MTAP: variants seen among roughly 807,000 people sequenced by gnomAD.
MTAP encodes methylthioadenosine phosphorylase, also known as S-methyl-5'-thioadenosine phosphorylase.
In MTAP, 33 loss-of-function variants were observed where a neutral mutation model predicts 33.6. That is an observed-to-expected ratio of 0.98 (90% CI 0.74 to 1.31). The LOEUF (loss-of-function observed/expected upper bound fraction) is 1.31, where lower values mean the gene tolerates loss of function less well. Ranked by LOEUF, MTAP falls within the 40% of genes most tolerant of loss-of-function variation. The pLI is 0.00. For missense variants in MTAP, 367 were observed against 360.0 expected (o/e 1.02, Z -0.16); for synonymous variants, 148 against 125.7 (o/e 1.18, Z -1.19).
downstream of MTAP, among the ~76,000 whole-genome samples, chr9:21,938,821 G>A (rs115149716): frequency 4.3e-3 from 655 of 152,318 alleles, 1 homozygote; most frequent in Middle Eastern, 0.027. Flanking sequence ...ATATTGAAAT[G>A]TGTGGGTTTC....
downstream of MTAP, among the ~76,000 whole-genome samples, chr9:21,938,929 A>G (rs986100873): frequency 2.6e-5 from 4 of 152,206 alleles, no homozygotes; most frequent in Non-Finnish European, 4.4e-5. Flanking sequence ...GATCAAGTAG[A>G]AGAAAAATTA....
intron 1 of MTAP, chr9:21,803,190 T>G: frequency 2.7e-6 from 1 of 367,544 alleles, no homozygotes. Flanking sequence ...TCAGGAGGTG[T>G]CCGGGCGCCT....
chr9:21,940,436 A>T (rs1819118423), downstream of MTAP, among the ~76,000 whole-genome samples: 1 of 152,212 alleles, frequency 6.6e-6, no homozygotes, highest in Non-Finnish European at 1.5e-5. Flanking sequence ...ATATTAGTAG[A>T]AAACTATAGC....
Position 21,912,250 on chromosome 9 carries a change from G to GA in MTAP, c.148-18753dup, listed in dbSNP as rs1336009338. On this transcript the variant is annotated intron_variant, in intron 1 of 1. Coordinates refer to the MTAP transcript ENST00000577563. ...CCTTCTGAAACTATTCCAATCAACA[G>GA]AAAAAGAGGGAATCCTCCCTAACTC... Among the ~76,000 whole-genome samples the GA allele has an allele frequency of 7.9e-5, 12 of 152,086 alleles. No individual in the cohort carries two copies. In the East Asian group the frequency reaches 2.3e-3, roughly 29 times the overall value.
At chr9:21,920,469 C>T (rs566807140) in intron 1 of MTAP, among the ~76,000 whole-genome samples, 41 of 152,212 alleles carry the variant, frequency 2.7e-4, no homozygotes, top group African/African-American at 9.6e-4. Context: ...TGACCTGAAA[C>T]TTACTTAGTT....
intron 1 of MTAP, among the ~76,000 whole-genome samples, chr9:21,924,678 ACCCTACC>A (rs1818838615): frequency 6.6e-6 from 1 of 152,056 alleles, no homozygotes; most frequent in South Asian, 2.1e-4. Context: ...CTTAGCTCAA[ACCCTACC>A]CTTTGGCCCC....
At chr9:21,923,587 G>A (rs1399200087) in intron 1 of MTAP, among the ~76,000 whole-genome samples, 1 of 152,102 alleles carries the variant, frequency 6.6e-6, no homozygotes, top group Non-Finnish European at 1.5e-5. Context: ...TATAGCAGAG[G>A]GGTTGTCCTG....
At position 21,823,151 on chromosome 9, in the gene MTAP, G is replaced by A. The variant is rs1158929108; in HGVS notation, c.347+4949G>A. ...ACATTTAAGGTTAATATTGTTATGT[G>A]TGAATTTGATCCTGTCACTATGATG... On this transcript the variant is annotated intron_variant, in intron 4 of 7. Transcript: ENST00000644715. 2.0e-5 allele frequency among the ~76,000 whole-genome samples: 3 copies of A among 152,178 alleles called. No homozygotes were observed. The East Asian group carries it at 5.8e-4, about 29-fold the overall frequency.
At chr9:21,927,693 G>A (rs1053409891) in intron 1 of MTAP, among the ~76,000 whole-genome samples, 3 of 152,162 alleles carry the variant, frequency 2.0e-5, no homozygotes, top group Non-Finnish European at 4.4e-5. Flanking sequence ...AGTTACAGAG[G>A]TGGTAGCTCT....
At chr9:21,901,710 G>C (rs1034900299) in intron 1 of MTAP, among the ~76,000 whole-genome samples, 6 of 152,150 alleles carry the variant, frequency 3.9e-5, no homozygotes, top group Non-Finnish European at 7.4e-5. Flanking sequence ...TCAGGGGTTT[G>C]CCACAAGGAG....
At chr9:21,825,644 C>G (rs1412416045) in intron 4 of MTAP, among the ~76,000 whole-genome samples, 1 of 152,130 alleles carries the variant, frequency 6.6e-6, no homozygotes, top group Non-Finnish European at 1.5e-5. Context: ...TTGAGACCAG[C>G]TTGGGCAACA....
At chr9:21,838,349 A>G (rs997563260) in intron 5 of MTAP, among the ~76,000 whole-genome samples, 3 of 152,218 alleles carry the variant, frequency 2.0e-5, no homozygotes, top group Non-Finnish European at 4.4e-5. Flanking sequence ...CTGCTCTTCA[A>G]CAAAGTAGCT....
At chr9:21,822,319 G>C (rs1000357103) in intron 4 of MTAP, among the ~76,000 whole-genome samples, 1 of 152,082 alleles carries the variant, frequency 6.6e-6, no homozygotes, top group Non-Finnish European at 1.5e-5. Context: ...CAGAGATTCT[G>C]GTATGTTGTG....
chr9:21,860,833 C>T (rs1238494051), intron 7 of MTAP: 1 of 152,346 alleles, frequency 6.6e-6, no homozygotes, highest in Non-Finnish European at 1.5e-5. Context: ...ACCTCTGCCT[C>T]CCTGGTTCAA....
chr9:21,904,139 T>G (rs1243599347), intron 1 of MTAP, among the ~76,000 whole-genome samples: 2 of 152,210 alleles, frequency 1.3e-5, no homozygotes, highest in African/African-American at 4.8e-5. Flanking sequence ...CAAGGCGTTC[T>G]GCTGGTCAGT....
intron 1 of MTAP, chr9:21,802,985 A>AACAGACACACACACACACAC (rs1824095489): frequency 2.6e-6 from 1 of 378,324 alleles, no homozygotes; most frequent in Non-Finnish European, 4.0e-6. Context: ...CCGCACCGCC[A>AACAGACACACACACACACAC]ACACACACAC....
At chr9:21,836,914 C>T (rs1825123402) in intron 4 of MTAP, among the ~76,000 whole-genome samples, 1 of 152,188 alleles carries the variant, frequency 6.6e-6, no homozygotes, top group South Asian at 2.1e-4. Context: ...AACTATTTCT[C>T]AGTGCTGCCT....
chr9:21,918,330 A>G (rs1818728490), intron 1 of MTAP, among the ~76,000 whole-genome samples: 1 of 117,816 alleles, frequency 8.5e-6, no homozygotes, highest in Admixed American at 8.2e-5. Context: ...AGCCTGGGCG[A>G]CAGAACGAGA....
intron 1 of MTAP, chr9:21,930,210 C>T (rs180993812): frequency 3.3e-6 from 1 of 299,992 alleles, no homozygotes; most frequent in Non-Finnish European, 6.5e-6. Context: ...GAGCCAAACC[C>T]CATGTACCCA....
Sources: allele counts gnomAD v4.1 joint callset (sites outside exome capture counted in the v4.1 genomes callset), GRCh38; gene constraint gnomAD v4.1.1; transcripts MANE v1.5; gene names NCBI Gene and HGNC (gene_info 2026-07-23, HGNC 2026-07-21).